Variants in LRRC28 observed in about 807,000 individuals in gnomAD.
LRRC28 encodes the protein leucine rich repeat containing 28, also known as leucine-rich repeat-containing protein 28.
Under a neutral mutation model 45.7 loss-of-function variants are expected in LRRC28, and 39 were observed. The ratio of observed to expected loss-of-function variants is 0.85; its 90% CI spans 0.66 to 1.12. The LOEUF (loss-of-function observed/expected upper bound fraction) is 1.12, where lower values mean the gene tolerates loss of function less well. LRRC28 is among the 50% of genes most tolerant of loss of function. The pLI is 0.00. For missense variants in LRRC28, 435 were observed against 438.5 expected (o/e 0.99, Z 0.07); for synonymous variants, 206 against 178.8 (o/e 1.15, Z -1.22).
chr15:99,352,632 G>A (rs1956920816), intron 7 of LRRC28, 161 bp downstream of exon 7: 1 of 531,500 alleles, frequency 1.9e-6, no homozygotes, highest in South Asian at 3.0e-5. Context: ...GGTTCAGTCA[G>A]TAAGTTATTA....
chr15:99,318,534 C>A (rs935592844), intron 5 of LRRC28, among the ~76,000 whole-genome samples: 1 of 151,926 alleles, frequency 6.6e-6, no homozygotes, highest in Non-Finnish European at 1.5e-5. Context: ...TTCATTTCTA[C>A]CCTTGATATT....
At chr15:99,382,764 A>G (rs951689168) in intron 9 of LRRC28, among the ~76,000 whole-genome samples, 1 of 117,550 alleles carries the variant, frequency 8.5e-6, no homozygotes, top group Non-Finnish European at 1.9e-5. Context: ...TTTGAAAAAA[A>G]CAACGTAGAT....
intron 6 of LRRC28, among the ~76,000 whole-genome samples, chr15:99,349,413 A>G (rs1321004996): frequency 1.3e-5 from 2 of 152,220 alleles, no homozygotes; most frequent in East Asian, 3.8e-4. Context: ...ATATATAAGA[A>G]TAGACTCCAA....
chr15:99,355,156 G>A (rs1567691748), intron 7 of LRRC28, among the ~76,000 whole-genome samples: 1 of 152,184 alleles, frequency 6.6e-6, no homozygotes, highest in Admixed American at 6.5e-5. Flanking sequence ...AACAAAGTTA[G>A]CTTCTTCTTA....
intron 5 of LRRC28, among the ~76,000 whole-genome samples, chr15:99,316,704 T>C (rs932786782): frequency 2.3e-5 from 2 of 87,696 alleles, no homozygotes; most frequent in Non-Finnish European, 4.3e-5. Context: ...AGGATTTAAA[T>C]AGAAAACTCT....
At chr15:99,284,491 G>T in intron 3 of LRRC28, 1 of 451,332 alleles carries the variant, frequency 2.2e-6, no homozygotes. Context: ...TCTAAACCAT[G>T]TCTTCTTTGT....
At chr15:99,385,975 CAG>C (rs1957974616) in intron 9 of LRRC28, 53 bp from the exon 10 acceptor site, 2 of 1,509,404 alleles carry the variant, frequency 1.3e-6, no homozygotes, top group Non-Finnish European at 1.8e-6. Flanking sequence ...CAGAAAGAAT[CAG>C]AGACTTTAAT....
chr15:99,259,725 A>G, intron 2 of LRRC28: 2 of 1,426,756 alleles, frequency 1.4e-6, no homozygotes, highest in South Asian at 1.1e-5. Context: ...ATTAAGGAAG[A>G]TGAAGATGAT....
At chr15:99,325,603 T>C (rs1955947339) in intron 5 of LRRC28, among the ~76,000 whole-genome samples, 1 of 152,244 alleles carries the variant, frequency 6.6e-6, no homozygotes, top group Non-Finnish European at 1.5e-5. Flanking sequence ...TGCCCCTTAT[T>C]GGTTGAAGGA....
intron 5 of LRRC28, among the ~76,000 whole-genome samples, chr15:99,288,371 CTTTTTTTTTTTTT>C (rs67593137): frequency 9.6e-5 from 8 of 82,914 alleles, no homozygotes; most frequent in Non-Finnish European, 1.1e-4. Context: ...TGTACATTAA[CTTTTTTTTTTTTT>C]TTTTTTTTTT....
chr15:99,317,838 A>G (rs1248271878), intron 5 of LRRC28, among the ~76,000 whole-genome samples: 1 of 152,210 alleles, frequency 6.6e-6, no homozygotes, highest in Non-Finnish European at 1.5e-5. Flanking sequence ...GCTATTCTCC[A>G]TAAACATACA....
At position 99,386,444 on chromosome 15, in the gene LRRC28, G is replaced by C. The variant is rs1020777261; in HGVS notation, c.*342G>C. 2 of 214,682 alleles carry C rather than the reference G, an allele frequency of 9.3e-6. No individual in the cohort carries two copies. Among genetic ancestry groups the C allele is most frequent in the Non-Finnish European group, 1.8e-5 (2 of 108,578 alleles). 13.3% of individuals were successfully genotyped at this position (214,682 alleles called of 1,614,324 possible). ...TGATCATCTAGCCAGATTCCCTTTT[G>C]AACACACATACCTTCAGTGATGCTT... On this transcript the variant is annotated 3_prime_UTR_variant, in exon 10 of 10. Transcript: ENST00000301981.
At chr15:99,299,129 T>A (rs1251413479) in intron 5 of LRRC28, among the ~76,000 whole-genome samples, 1 of 152,248 alleles carries the variant, frequency 6.6e-6, no homozygotes, top group Non-Finnish European at 1.5e-5. Flanking sequence ...CTGAAGAACT[T>A]TCAATTATTA....
At position 99,293,593 on chromosome 15, in the gene LRRC28, C is replaced by CCA. The variant is rs747700282; in HGVS notation, c.385+5642_385+5643insCA. 4.6e-3 allele frequency among the ~76,000 whole-genome samples: 201 copies of CCA among 44,080 alleles called. 8 individuals carry two copies. Among genetic ancestry groups the CCA allele is most frequent in the East Asian group, 9.6e-3 (13 of 1,352 alleles). 28.9% of individuals were successfully genotyped at this position (44,080 alleles called of 152,430 possible). A position where few individuals can be genotyped will look rare whatever the true frequency, so the allele number is the denominator to read the frequency against. ...GGGCAACAAGAACGAAACTCTGTCA[C>CCA]AAAAAAAAAAAAAAAAAAAAAAAAA... On this transcript the variant is annotated intron_variant, in intron 5 of 9. Transcript: ENST00000301981.
chr15:99,259,427 AAGG>A (rs1042685088), intron 2 of LRRC28: 1 of 1,379,568 alleles, frequency 7.2e-7, no homozygotes, highest in Non-Finnish European at 1.0e-6. Context: ...TGAGAAAACT[AAGG>A]AGAGTCATGA....
intron 1 of LRRC28, among the ~76,000 whole-genome samples, chr15:99,253,875 A>G (rs2080939207): frequency 6.6e-6 from 1 of 152,066 alleles, no homozygotes; most frequent in South Asian, 2.1e-4. Context: ...TAGCCTTGTG[A>G]TAGATTGGAG....
chr15:99,252,185 AC>A (rs2080834249), intron 1 of LRRC28, among the ~76,000 whole-genome samples: 1 of 152,234 alleles, frequency 6.6e-6, no homozygotes, highest in Non-Finnish European at 1.5e-5. Context: ...AGGTAGTATA[AC>A]TATACAAGAG....
chr15:99,257,617 C>T (rs1332646814), intron 2 of LRRC28: 4 of 680,584 alleles, frequency 5.9e-6, no homozygotes, highest in South Asian at 4.3e-5. Context: ...TTGAGACTCA[C>T]CAGCCACAAG....
At chr15:99,278,194 C>CT (rs1027555465) in intron 3 of LRRC28, among the ~76,000 whole-genome samples, 1 of 152,178 alleles carries the variant, frequency 6.6e-6, no homozygotes, top group African/African-American at 2.4e-5. Context: ...GCTCGTTCCT[C>CT]TAGACAATGT....
Sources: gnomAD v4.1 joint callset for allele counts (sites outside exome capture counted in the v4.1 genomes callset) on GRCh38, gnomAD v4.1.1 for gene constraint, MANE v1.5 for transcripts, NCBI Gene and HGNC (gene_info 2026-07-23, HGNC 2026-07-21) for gene names.